TAFA1: variants seen among roughly 807,000 people sequenced by gnomAD.
TAFA1 encodes chemokine-like protein TAFA-1.
TAFA1 carries 4 observed loss-of-function variants against 18.5 expected under a neutral mutation model. That is an observed-to-expected ratio of 0.22 (90% CI 0.11 to 0.49). TAFA1 has a LOEUF of 0.49. TAFA1 is among the 20% of genes least tolerant of loss of function. TAFA1 has a pLI of 0.98. For missense variants in TAFA1, 147 were observed against 169.0 expected (o/e 0.87, Z 0.72); for synonymous variants, 56 against 55.2 (o/e 1.01, Z -0.06).
intron 2 of TAFA1, among the ~76,000 whole-genome samples, chr3:68,323,256 A>T (rs1219078462): frequency 1.3e-5 from 2 of 152,204 alleles, no homozygotes; most frequent in Non-Finnish European, 2.9e-5. Flanking sequence ...ATCAGGATTT[A>T]TGCAGCCACC....
chr3:68,028,571 A>G (rs1704865972), intron 2 of TAFA1, among the ~76,000 whole-genome samples: 1 of 152,020 alleles, frequency 6.6e-6, no homozygotes, highest in South Asian at 2.1e-4. Context: ...CAGCAGGGCT[A>G]CGCTCCTATG....
rs191686370 is a variant in TAFA1, at chr3:68,178,654, A to C, written c.118+171910A>C. 2.6e-5 allele frequency among the ~76,000 whole-genome samples: 4 copies of C among 152,374 alleles called. No individual in the cohort carries two copies. In the East Asian group the frequency reaches 7.7e-4, roughly 29 times the overall value. On this transcript the variant is annotated intron_variant, in intron 2 of 4. Transcript: ENST00000478136. ...GATATATATGCCCTGGGGCGGAAAT[A>C]CCTTGGCATGCACAAGGATCTGAAA...
At chr3:68,337,483 G>A (rs1575787572) in intron 2 of TAFA1, among the ~76,000 whole-genome samples, 1 of 152,048 alleles carries the variant, frequency 6.6e-6, no homozygotes, top group African/African-American at 2.4e-5. Flanking sequence ...AAATCCAAAC[G>A]ATATCAATTG....
At chr3:68,428,060 C>T (rs6767029) in intron 3 of TAFA1, among the ~76,000 whole-genome samples, 68,600 of 151,662 alleles carry the variant, frequency 0.45, 16,009 homozygotes, top group Non-Finnish European at 0.49. Flanking sequence ...ACTAATGCAC[C>T]CACTAACCGG....
chr3:68,351,735 T>TA (rs2069274608), intron 2 of TAFA1, among the ~76,000 whole-genome samples: 2 of 152,076 alleles, frequency 1.3e-5, no homozygotes, highest in South Asian at 4.1e-4. Flanking sequence ...ACAAGCTTGT[T>TA]AATGTGGATT....
chr3:68,469,671 T>G (rs912789323), intron 3 of TAFA1, among the ~76,000 whole-genome samples: 3 of 152,048 alleles, frequency 2.0e-5, no homozygotes, highest in Admixed American at 6.5e-5. Flanking sequence ...AGACTCTGTC[T>G]CAAAAAAGAA....
At chr3:68,090,771 C>T (rs553992628) in intron 2 of TAFA1, among the ~76,000 whole-genome samples, 104 of 152,258 alleles carry the variant, frequency 6.8e-4, no homozygotes, top group African/African-American at 2.4e-3. Flanking sequence ...TTAATCTGCC[C>T]AGCTGAGAGA....
At chr3:68,061,996 G>A (rs1045668706) in intron 2 of TAFA1, among the ~76,000 whole-genome samples, 1 of 136,630 alleles carries the variant, frequency 7.3e-6, no homozygotes, top group African/African-American at 2.4e-5. Flanking sequence ...ACATGGTAGG[G>A]GGTTCAATGC....
intron 2 of TAFA1, among the ~76,000 whole-genome samples, chr3:68,130,483 T>C (rs1405102694): frequency 2.0e-5 from 3 of 152,164 alleles, no homozygotes; most frequent in Non-Finnish European, 1.5e-5. Flanking sequence ...CTGTTTCTCA[T>C]CTAATTCCAT....
At chr3:68,202,276 C>T (rs1024952750) in intron 2 of TAFA1, among the ~76,000 whole-genome samples, 1 of 151,700 alleles carries the variant, frequency 6.6e-6, no homozygotes, top group African/African-American at 2.4e-5. Flanking sequence ...TTGTAAACAA[C>T]ATCTAGTTGG....
chr3:68,438,904 G>A (rs533025508), intron 3 of TAFA1, among the ~76,000 whole-genome samples: 1 of 152,246 alleles, frequency 6.6e-6, no homozygotes, highest in East Asian at 1.9e-4. Flanking sequence ...GGAGCAAAGT[G>A]TCGTGGTATC....
intron 2 of TAFA1, among the ~76,000 whole-genome samples, chr3:68,264,550 A>T (rs2067502988): frequency 6.6e-6 from 1 of 152,218 alleles, no homozygotes; most frequent in African/African-American, 2.4e-5. Context: ...TAGTGACCGC[A>T]AGAACACAAT....
At chr3:68,498,722 CTTTTT>C (rs34030223) in intron 3 of TAFA1, among the ~76,000 whole-genome samples, 11 of 97,028 alleles carry the variant, frequency 1.1e-4, no homozygotes, top group Admixed American at 7.6e-4. Flanking sequence ...CGTTTGGTGG[CTTTTT>C]TTTTTTTTTT....
At chr3:68,164,672 A>C (rs2065963220) in intron 2 of TAFA1, among the ~76,000 whole-genome samples, 1 of 138,224 alleles carries the variant, frequency 7.2e-6, no homozygotes, top group African/African-American at 2.6e-5. Flanking sequence ...GGAGGTAGTT[A>C]CACGGGGAAG....
chr3:68,053,535 A>AT (rs989513399), intron 2 of TAFA1, among the ~76,000 whole-genome samples: 3 of 151,902 alleles, frequency 2.0e-5, no homozygotes. Flanking sequence ...TAATGTATCT[A>AT]TTTACTTTTA....
intron 3 of TAFA1, among the ~76,000 whole-genome samples, chr3:68,531,037 AAC>A (rs1559708019): frequency 1.3e-5 from 2 of 151,862 alleles, no homozygotes; most frequent in Non-Finnish European, 2.9e-5. Context: ...AACAAAACAA[AAC>A]AAAACAAAAC....
At chr3:68,431,573 C>A (rs1372826171) in intron 3 of TAFA1, among the ~76,000 whole-genome samples, 3 of 151,954 alleles carry the variant, frequency 2.0e-5, no homozygotes, top group Non-Finnish European at 4.4e-5. Flanking sequence ...GTTGGAGAGT[C>A]AAGATTCAAC....
At chr3:68,018,718 G>C (rs897061260) in intron 2 of TAFA1, among the ~76,000 whole-genome samples, 1 of 152,196 alleles carries the variant, frequency 6.6e-6, no homozygotes, top group East Asian at 1.9e-4. Flanking sequence ...TGATATTTCA[G>C]TTAAACCTCA....
intron 2 of TAFA1, among the ~76,000 whole-genome samples, chr3:68,037,154 G>A (rs1194827978): frequency 6.6e-6 from 1 of 152,126 alleles, no homozygotes; most frequent in Admixed American, 6.5e-5. Context: ...TTGTTTCCAG[G>A]CAGAGAAGGG....
Sources: gnomAD v4.1 joint callset for allele counts (sites outside exome capture counted in the v4.1 genomes callset) on GRCh38, gnomAD v4.1.1 for gene constraint, MANE v1.5 for transcripts, NCBI Gene and HGNC (gene_info 2026-07-23, HGNC 2026-07-21) for gene names.